ZMYM2: variants seen among roughly 807,000 people sequenced by gnomAD.
The protein encoded by ZMYM2 is zinc finger MYM-type protein 2.
Under a neutral mutation model 162.8 loss-of-function variants are expected in ZMYM2, and 56 were observed. That is an observed-to-expected ratio of 0.34 (90% CI 0.28 to 0.43). ZMYM2 has a LOEUF of 0.43. Among genes scored for constraint, ZMYM2 ranks in the 20% least tolerant of loss-of-function variants. The pLI is 1.00. For synonymous variants in ZMYM2, 510 were observed against 541.6 expected (o/e 0.94, Z 0.81); for missense variants, 1,275 against 1,621.8 (o/e 0.79, Z 3.67).
chr13:19,964,253 G>A (rs1176726992), intron 2 of ZMYM2, among the ~76,000 whole-genome samples: 1 of 152,102 alleles, frequency 6.6e-6, no homozygotes, highest in Admixed American at 6.6e-5. Flanking sequence ...GTAGGCACCC[G>A]TCATGCCAGC....
At chr13:19,899,243 G>T in the ZMYM2 span, among the ~76,000 whole-genome samples, 1 of 150,308 alleles carries the variant, frequency 6.7e-6, no homozygotes, top group South Asian at 2.1e-4. Flanking sequence ...GAGCCACCAC[G>T]CCTGGTGCAA....
At chr13:19,886,162 CTTTTTTTTT>C in the ZMYM2 span, among the ~76,000 whole-genome samples, 1 of 98,448 alleles carries the variant, frequency 1.0e-5, no homozygotes, top group Non-Finnish European at 1.9e-5. Flanking sequence ...TTCTTTCTTT[CTTTTTTTTT>C]TTTTTTTTTT....
intron 21 of ZMYM2, among the ~76,000 whole-genome samples, chr13:20,071,579 G>A (rs1158597666): frequency 6.6e-6 from 1 of 152,210 alleles, no homozygotes; most frequent in East Asian, 1.9e-4. Context: ...CAGATGAAGG[G>A]ATGGTCCCTG....
At chr13:19,906,557 T>C in the ZMYM2 span, among the ~76,000 whole-genome samples, 1 of 151,038 alleles carries the variant, frequency 6.6e-6, no homozygotes, top group Non-Finnish European at 1.5e-5. Flanking sequence ...GTTTTCTTTT[T>C]CTTTTTCTTA....
At chr13:20,017,436 TTTGGTGTATC>T (rs1951719471) in intron 6 of ZMYM2, among the ~76,000 whole-genome samples, 2 of 152,234 alleles carry the variant, frequency 1.3e-5, no homozygotes, top group East Asian at 3.8e-4. Context: ...GAAATTTGAA[TTTGGTGTATC>T]TTGGTGTTTC....
intron 2 of ZMYM2, among the ~76,000 whole-genome samples, chr13:19,974,616 C>T (rs1232414471): frequency 6.6e-6 from 1 of 151,914 alleles, no homozygotes; most frequent in African/African-American, 2.4e-5. Context: ...GGATTACAGG[C>T]ACCCGCCACC....
In ZMYM2 at chr13:19,993,237, AGAT is replaced by A. The variant is rs1450354223; in HGVS notation, c.176_178del (p.Asp59del). 1 of 1,613,986 alleles carries A rather than the reference AGAT, an allele frequency of 6.2e-7. No individual in the cohort carries two copies. Among genetic ancestry groups the A allele is most frequent in the Admixed American group, 1.7e-5 (1 of 60,020 alleles). On this transcript the variant is annotated inframe_deletion, in exon 3 of 25. Coordinates refer to ENST00000610343, the MANE Select transcript of ZMYM2 (RefSeq NM_197968.4). ...ATAAGTTTCAGAACTCGTCAGTGGA[AGAT>A]GATGATGATGTTGTTTTTATCGAAC...
chr13:19,980,231 CAAAGTAA>C (rs1957192229), intron 2 of ZMYM2, among the ~76,000 whole-genome samples: 2 of 151,934 alleles, frequency 1.3e-5, no homozygotes, highest in Admixed American at 6.6e-5. Context: ...GACAAGAATT[CAAAGTAA>C]TATTTCTCAG....
chr13:20,086,138 G>A lies in ZMYM2; in HGVS notation c.*124G>A, dbSNP rs1042335253. ...TTGAGTTTTGTAGCAGTGTACCCAC[G>A]CTGGGTATTACCATGTAAATAATCT... On this transcript the variant is annotated 3_prime_UTR_variant, in exon 25 of 25. Transcript: ENST00000610343. 9 of 907,338 alleles carry A rather than the reference G, an allele frequency of 9.9e-6. No individual in the cohort carries two copies. Among genetic ancestry groups the A allele is most frequent in the African/African-American group, 8.4e-5 (5 of 59,784 alleles). 56.2% of individuals were successfully genotyped at this position (907,338 alleles called of 1,614,324 possible). A position where few individuals can be genotyped will look rare whatever the true frequency, so the allele number is the denominator to read the frequency against.
chr13:19,908,784 T>C, the ZMYM2 span, among the ~76,000 whole-genome samples: 4 of 152,216 alleles, frequency 2.6e-5, no homozygotes, highest in African/African-American at 7.2e-5. Context: ...TCATGGCTAT[T>C]TCTGCATTAA....
chr13:19,937,619 A>T, the ZMYM2 span, among the ~76,000 whole-genome samples: 1 of 128,808 alleles, frequency 7.8e-6, no homozygotes, highest in Admixed American at 8.2e-5. Flanking sequence ...ATTTATTTTT[A>T]AATTATTTTT....
At chr13:20,051,320 T>C (rs1955322274) in intron 12 of ZMYM2, 113 bp from the exon 13 acceptor site, 2 of 1,012,928 alleles carry the variant, frequency 2.0e-6, no homozygotes, top group African/African-American at 3.3e-5. Flanking sequence ...ATTATAGTTC[T>C]ACTTTTTCTG....
intron 20 of ZMYM2, 106 bp from the exon 21 acceptor site, chr13:20,067,133 A>G (rs1956741415): frequency 1.4e-6 from 2 of 1,383,260 alleles, no homozygotes; most frequent in Middle Eastern, 2.1e-4. Context: ...GTAAGAATGC[A>G]TTTTATTTTA....
chr13:19,873,217 G>A, the ZMYM2 span, among the ~76,000 whole-genome samples: 4 of 151,784 alleles, frequency 2.6e-5, no homozygotes, highest in African/African-American at 7.3e-5. Context: ...CATTGTGGAC[G>A]ATCCTCCTCC....
the ZMYM2 span, among the ~76,000 whole-genome samples, chr13:19,907,291 C>A: frequency 6.6e-6 from 1 of 151,792 alleles, no homozygotes. Flanking sequence ...AATCTTTTAT[C>A]CGGACAATAA....
chr13:20,083,396 T>C (rs1958037416), intron 23 of ZMYM2, among the ~76,000 whole-genome samples: 1 of 152,220 alleles, frequency 6.6e-6, no homozygotes, highest in Admixed American at 6.5e-5. Context: ...ATGGTAGGGA[T>C]ATCCAAACCT....
At chr13:19,977,319 C>G (rs183765190) in intron 2 of ZMYM2, among the ~76,000 whole-genome samples, 12 of 152,126 alleles carry the variant, frequency 7.9e-5, no homozygotes, top group African/African-American at 2.9e-4. Context: ...TGGTGCCCGG[C>G]CCTAAAGTGA....
At chr13:20,026,585 A>G in intron 7 of ZMYM2, 27 bp from the exon 8 acceptor site, 1 of 1,567,628 alleles carries the variant, frequency 6.4e-7, no homozygotes, top group East Asian at 2.3e-5. Context: ...AGTCTTAAAA[A>G]TTATCTTTTT....
intron 24 of ZMYM2, 72 bp from the exon 25 acceptor site, chr13:20,085,750 T>C (rs1224636782): frequency 1.4e-6 from 2 of 1,434,708 alleles, no homozygotes; most frequent in African/African-American, 1.4e-5. Context: ...GTCTGAATTA[T>C]TCTTGAAAAA....
Sources: gnomAD v4.1 joint callset for allele counts (sites outside exome capture counted in the v4.1 genomes callset) on GRCh38, gnomAD v4.1.1 for gene constraint, MANE v1.5 for transcripts, NCBI Gene and HGNC (gene_info 2026-07-23, HGNC 2026-07-21) for gene names.